FMN2: variants seen among roughly 807,000 people sequenced by gnomAD.
FMN2 encodes the protein formin-2.
In FMN2, 51 loss-of-function variants were observed where a neutral mutation model predicts 142.3. The observed-to-expected ratio is 0.36, with a 90% CI of 0.29 to 0.45. The LOEUF is 0.45. Ranked by LOEUF, FMN2 falls within the 20% of genes least tolerant of loss-of-function variation. The pLI, the probability that FMN2 is intolerant of heterozygous loss-of-function variation, is 1.00. For synonymous variants in FMN2, 882 were observed against 869.8 expected (o/e 1.01, Z -0.25); for missense variants, 1,936 against 2,122.8 (o/e 0.91, Z 1.73).
chr1:240,429,890 T>G (rs1401597780), intron 15 of FMN2, among the ~76,000 whole-genome samples: 2 of 138,356 alleles, frequency 1.4e-5, no homozygotes, highest in South Asian at 4.2e-4. Context: ...TTTTGTTTTT[T>G]TTTTGTTTTT....
intron 15 of FMN2, among the ~76,000 whole-genome samples, chr1:240,399,163 TGTG>T (rs1673888793): frequency 6.6e-6 from 1 of 152,134 alleles, no homozygotes. Context: ...ACATTATAAA[TGTG>T]GTGATCAGTT....
At chr1:240,102,861 T>A (rs1405133141) in intron 1 of FMN2, among the ~76,000 whole-genome samples, 4 of 151,678 alleles carry the variant, frequency 2.6e-5, no homozygotes, top group Admixed American at 6.6e-5. Flanking sequence ...AGGTGATCCT[T>A]TAATTTTTTT....
intron 15 of FMN2, among the ~76,000 whole-genome samples, chr1:240,420,296 A>T (rs1889869): frequency 6.6e-6 from 1 of 151,902 alleles, no homozygotes; most frequent in South Asian, 2.1e-4. Flanking sequence ...CTCAGCTTCC[A>T]CATTCCTTCC....
intron 2 of FMN2, among the ~76,000 whole-genome samples, chr1:240,148,546 A>G (rs1274801247): frequency 2.6e-5 from 4 of 152,186 alleles, no homozygotes; most frequent in Admixed American, 6.5e-5. Context: ...TTTGTCTCCA[A>G]TTGGGGTTAA....
At position 240,092,741 on chromosome 1, in the gene FMN2, A is replaced by G. The variant is rs1661032686; in HGVS notation, c.632A>G (p.Gln211Arg). The change falls in exon 1 of 18, where the codon CAG becomes CGG. Residue 211 changes from glutamine (Q) to arginine (R), a missense_variant. By Grantham distance (43) the Gln-to-Arg change is conservative (BLOSUM62 1). Coordinates refer to ENST00000319653, the MANE Select transcript of FMN2 (RefSeq NM_020066.5). The stretch of plus-strand genomic sequence containing the variant: ...ATCCGCCTGCAGCAGCAGCAGCAGC[A>G]GCAGCTCCAGCTCCAGCTCCAGCAA... ...QAIRLQQQQQ[Q>R]QLQLQLQQQQ... The G allele has an allele frequency of 6.2e-7, 1 of 1,612,884 alleles. No individual in the cohort carries two copies. Among genetic ancestry groups the G allele is most frequent in the Admixed American group, 1.7e-5 (1 of 59,978 alleles).
intron 2 of FMN2, among the ~76,000 whole-genome samples, chr1:240,142,501 T>TTATTTATTTATTTA (rs1164646678): frequency 5.1e-5 from 4 of 78,644 alleles, no homozygotes; most frequent in Non-Finnish European, 8.2e-5. Context: ...TTATTTATAT[T>TTATTTATTTATTTA]TTTTGGGGGG....
chr1:240,109,770 C>T (rs1282158910), intron 1 of FMN2, among the ~76,000 whole-genome samples: 1 of 152,108 alleles, frequency 6.6e-6, no homozygotes, highest in Non-Finnish European at 1.5e-5. Context: ...CTGACTCTCC[C>T]TGCGGTATGT....
At chr1:240,399,419 A>C (rs1397206520) in intron 15 of FMN2, among the ~76,000 whole-genome samples, 2 of 152,198 alleles carry the variant, frequency 1.3e-5, no homozygotes, top group Non-Finnish European at 2.9e-5. Context: ...TCATTTGTCC[A>C]AGAAAATCTA....
intron 14 of FMN2, among the ~76,000 whole-genome samples, chr1:240,391,661 A>G (rs1673608119): frequency 6.6e-6 from 1 of 152,162 alleles, no homozygotes; most frequent in Non-Finnish European, 1.5e-5. Flanking sequence ...GCAGGTCCCA[A>G]CTAATGTTTT....
At chr1:240,272,996 G>T (rs1391702325) in intron 7 of FMN2, among the ~76,000 whole-genome samples, 2 of 151,780 alleles carry the variant, frequency 1.3e-5, no homozygotes, top group Non-Finnish European at 2.9e-5. Flanking sequence ...TAAGAACTTT[G>T]TCACTTCTCC....
chr1:240,458,577 C>G (rs757890262), intron 16 of FMN2: 3 of 152,134 alleles, frequency 2.0e-5, no homozygotes, highest in Non-Finnish European at 2.9e-5. Flanking sequence ...AACTTTATAT[C>G]TCACTGGCTT....
At chr1:240,243,312 A>G (rs1667973805) in intron 6 of FMN2, among the ~76,000 whole-genome samples, 1 of 152,162 alleles carries the variant, frequency 6.6e-6, no homozygotes, top group East Asian at 1.9e-4. Context: ...TCAAAAATCT[A>G]GAGATGAATT....
intron 15 of FMN2, among the ~76,000 whole-genome samples, chr1:240,406,706 A>G (rs141837497): frequency 5.9e-5 from 9 of 152,262 alleles, no homozygotes; most frequent in East Asian, 5.8e-4. Context: ...TGTTAATGCA[A>G]ATTCTCAAAA....
chr1:240,253,398 T>C (rs1311347034), intron 6 of FMN2, among the ~76,000 whole-genome samples: 2 of 152,212 alleles, frequency 1.3e-5, no homozygotes, highest in Non-Finnish European at 2.9e-5. Flanking sequence ...AAATGTATTT[T>C]GTATTTTATT....
At chr1:240,261,132 C>A (rs1668611555) in intron 7 of FMN2, among the ~76,000 whole-genome samples, 1 of 152,082 alleles carries the variant, frequency 6.6e-6, no homozygotes, top group Non-Finnish European at 1.5e-5. Context: ...TATACCAGTA[C>A]CATGCTGTTT....
Position 240,104,563 on chromosome 1 carries a change from C to G in FMN2, c.1615+10839C>G, listed in dbSNP as rs570840911. Among the ~76,000 whole-genome samples, 9 of 152,224 alleles carry G rather than the reference C, an allele frequency of 5.9e-5. No individual in the cohort carries two copies. The South Asian group carries it at 1.5e-3, about 25-fold the overall frequency. On this transcript the variant is annotated intron_variant, in intron 1 of 17. Transcript: ENST00000319653. Reference sequence around the variant, plus strand: ...TACAGAACTGCTTTTATCTATTGCTCTCTTTGAATTAGTCTGCATTTTTCT... The same window carrying G: ...TACAGAACTGCTTTTATCTATTGCTGTCTTTGAATTAGTCTGCATTTTTCT...
At chr1:240,110,392 A>C (rs1289401637) in intron 1 of FMN2, among the ~76,000 whole-genome samples, 1 of 152,234 alleles carries the variant, frequency 6.6e-6, no homozygotes, top group Admixed American at 6.5e-5. Context: ...TTTACATTGT[A>C]TAGCCCTGTT....
chr1:240,212,924 C>T (rs1009403659), intron 6 of FMN2, among the ~76,000 whole-genome samples: 1 of 152,062 alleles, frequency 6.6e-6, no homozygotes, highest in African/African-American at 2.4e-5. Context: ...CTTCCAGCAC[C>T]CCTTTTGTTT....
intron 6 of FMN2, chr1:240,235,636 G>C (rs1667685618): frequency 6.6e-6 from 1 of 151,896 alleles, no homozygotes; most frequent in Non-Finnish European, 1.5e-5. Context: ...GCCCAGGCTG[G>C]TTTCAAAATC....
Sources: gnomAD v4.1 joint callset for allele counts (sites outside exome capture counted in the v4.1 genomes callset) on GRCh38, gnomAD v4.1.1 for gene constraint, MANE v1.5 for transcripts, NCBI Gene and HGNC (gene_info 2026-07-23, HGNC 2026-07-21) for gene names.